The following PUS7 variants were observed in gnomAD, a reference collection of about 807,000 sequenced individuals.
The protein encoded by PUS7 is pseudouridine synthase 7.
Under a neutral mutation model 79.8 loss-of-function variants are expected in PUS7, and 48 were observed. The ratio of observed to expected loss-of-function variants is 0.60; its 90% CI spans 0.48 to 0.76. The LOEUF is 0.76. Ranked by LOEUF, PUS7 falls within the 30% of genes least tolerant of loss-of-function variation. The probability of loss-of-function intolerance (pLI) is 0.00; values close to 1 mark genes in which losing one functional copy is unlikely to be tolerated. For synonymous variants in PUS7, 286 were observed against 272.2 expected (o/e 1.05, Z -0.50); for missense variants, 729 against 797.6 (o/e 0.91, Z 1.04).
chr7:105,495,316 T>G, intron 5 of PUS7, 63 bp from the exon 6 acceptor site: 1 of 930,254 alleles, frequency 1.1e-6, no homozygotes, highest in South Asian at 1.4e-5. Flanking sequence ...TAAGAGCTCA[T>G]TTTTCGCTAT....
intron 1 of PUS7, among the ~76,000 whole-genome samples, chr7:105,509,977 GATGTAT>G (rs932633148): frequency 6.6e-5 from 10 of 152,234 alleles, no homozygotes; most frequent in African/African-American, 2.4e-4. Context: ...AAGCTTGTTT[GATGTAT>G]ATGTATTATC....
chr7:105,492,505 T>A (rs796743318), intron 6 of PUS7, among the ~76,000 whole-genome samples: 6 of 124,804 alleles, frequency 4.8e-5, no homozygotes, highest in African/African-American at 1.7e-4. Flanking sequence ...TTTGTATTTT[T>A]TTTTTTTTTT....
chr7:105,463,343 G>A (rs1295669676), intron 13 of PUS7, among the ~76,000 whole-genome samples: 3 of 152,126 alleles, frequency 2.0e-5, no homozygotes, highest in Non-Finnish European at 4.4e-5. Context: ...TTCTGTTGAC[G>A]CTTTGGAACA....
rs1823901444 is a variant in PUS7 at position 105,472,171 on chromosome 7, T to C, written c.1198A>G (p.Thr400Ala). ...TTCAATATTAAATCCATGACTTCTGTCCAGGAATTTTGTAGTATAGCTCTA... is the reference window on the plus strand; with the variant it reads ...TTCAATATTAAATCCATGACTTCTGCCCAGGAATTTTGTAGTATAGCTCTA... ...VGRAILQNSW[T>A]EVMDLILKPR... Residue 400 changes from threonine to alanine, a missense_variant, in exon 10 of 16, where the codon ACA becomes GCA. Coordinates refer to ENST00000469408, the MANE Select transcript of PUS7 (RefSeq NM_019042.5). 6.3e-7 allele frequency: 1 copy of C among 1,599,840 alleles called. No individual in the cohort carries two copies. The highest frequency in any genetic ancestry group is 1.1e-5 in the South Asian group (1 of 90,114).
At chr7:105,492,332 C>T (rs1248725709) in intron 6 of PUS7, among the ~76,000 whole-genome samples, 2 of 147,086 alleles carry the variant, frequency 1.4e-5, no homozygotes, top group South Asian at 2.2e-4. Flanking sequence ...TAATTCTTCG[C>T]TTTTTTTTTT....
At chr7:105,520,705 G>A (rs1329368339) in intron 1 of PUS7, among the ~76,000 whole-genome samples, 1 of 151,476 alleles carries the variant, frequency 6.6e-6, no homozygotes, top group Non-Finnish European at 1.5e-5. Flanking sequence ...CTGGGTGATG[G>A]AGTGAGACTC....
intron 5 of PUS7, among the ~76,000 whole-genome samples, chr7:105,499,707 C>T (rs189433666): frequency 6.6e-6 from 1 of 152,170 alleles, no homozygotes; most frequent in East Asian, 1.9e-4. Context: ...TTTTAGGATG[C>T]ACAGTTCTAT....
Position 105,470,845 on chromosome 7 carries a change from T to A in PUS7, c.1241A>T (p.Glu414Val), listed in dbSNP as rs1048844336. Residue 414 changes from glutamate (E) to valine (V), a missense_variant, in exon 11 of 16, where the codon GAA (glutamate) becomes GTA (valine). Transcript: ENST00000469408. The part of the protein sequence containing the change: ...DLILKPRSGA[E>V]KGYLVKCREE... ...TCTGCATTTAACCAAGTAGCCCTTT[T>A]CAGCTGCGGGGGGAAAAAGCTAGGG... 1.9e-6 allele frequency: 3 copies of A among 1,583,632 alleles called. No homozygotes were observed. Among genetic ancestry groups the A allele is most frequent in the African/African-American group, 2.7e-5 (2 of 74,082 alleles).
At chr7:105,459,787 C>A (rs1191589634) in intron 14 of PUS7, among the ~76,000 whole-genome samples, 1 of 152,030 alleles carries the variant, frequency 6.6e-6, no homozygotes, top group African/African-American at 2.4e-5. Context: ...AAATGCACAA[C>A]TGGGGCCAGG....
At chr7:105,461,783 A>G (rs1823438391) in intron 14 of PUS7, among the ~76,000 whole-genome samples, 1 of 152,246 alleles carries the variant, frequency 6.6e-6, no homozygotes, top group Non-Finnish European at 1.5e-5. Context: ...TACAGACTAT[A>G]GCCTATTGCT....
chr7:105,475,293 C>A (rs1451943266), intron 9 of PUS7, among the ~76,000 whole-genome samples: 2 of 152,152 alleles, frequency 1.3e-5, no homozygotes, highest in Non-Finnish European at 2.9e-5. Flanking sequence ...TCACGCCATT[C>A]TTCTGCCTCA....
At chr7:105,520,188 G>A (rs1455682686) in intron 1 of PUS7, among the ~76,000 whole-genome samples, 1 of 152,186 alleles carries the variant, frequency 6.6e-6, no homozygotes, top group Non-Finnish European at 1.5e-5. Flanking sequence ...GGCGGGGCGC[G>A]GTGGCTCACG....
intron 7 of PUS7, among the ~76,000 whole-genome samples, chr7:105,485,826 G>T (rs889194591): frequency 6.6e-6 from 1 of 152,034 alleles, no homozygotes; most frequent in Non-Finnish European, 1.5e-5. Context: ...TTGAGACAGA[G>T]TCTCTGTCGC....
intron 9 of PUS7, among the ~76,000 whole-genome samples, chr7:105,475,262 T>G (rs917414924): frequency 2.0e-5 from 3 of 152,154 alleles, no homozygotes; most frequent in Non-Finnish European, 4.4e-5. Flanking sequence ...CTCGGCTCAC[T>G]GCAAGCTCCG....
chr7:105,482,362 G>A lies in PUS7; in HGVS notation c.999C>T (p.Asn333=), dbSNP rs1824356402. Reference sequence around the variant, plus strand: ...CTTGAAGCTCTCCCAATTTCAGTGGGTTTTTTTGATAGCTGAAATTCCCTA... The same window carrying A: ...CTTGAAGCTCTCCCAATTTCAGTGGATTTTTTTGATAGCTGAAATTCCCTA... The part of the protein sequence containing the change: ...FKLGNFSYQK[N]PLKLGELQGN... Residue 333 remains asparagine, a synonymous_variant, in exon 8 of 16, where the codon AAC becomes AAT. Coordinates refer to ENST00000469408, the MANE Select transcript of PUS7 (RefSeq NM_019042.5). 1 of 1,612,026 alleles carries A rather than the reference G, an allele frequency of 6.2e-7. No homozygotes were observed. The highest frequency in any genetic ancestry group is 8.5e-7 in the Non-Finnish European group (1 of 1,178,846).
intron 8 of PUS7, among the ~76,000 whole-genome samples, chr7:105,481,612 C>T (rs143402462): frequency 3.0e-4 from 45 of 152,244 alleles, no homozygotes; most frequent in Middle Eastern, 6.8e-3. Flanking sequence ...AAACTCTGTA[C>T]CCCTAAACAG....
intron 4 of PUS7, among the ~76,000 whole-genome samples, chr7:105,504,438 A>T (rs1216549964): frequency 6.6e-6 from 1 of 152,198 alleles, no homozygotes; most frequent in Non-Finnish European, 1.5e-5. Context: ...ATTACAGGTA[A>T]ATGACTTCTT....
At position 105,501,722 on chromosome 7, in the gene PUS7, G is replaced by A. The variant is rs374374564; in HGVS notation, c.730+698C>T. On this transcript the variant is annotated intron_variant, in intron 5 of 15. Coordinates refer to ENST00000469408, the MANE Select transcript of PUS7 (RefSeq NM_019042.5). ...TGTAATCCTAGCACTTTGGGAGGCC[G>A]AGACGGGTGGATCACGAGGTCAGGA... 1.6e-4 allele frequency among the ~76,000 whole-genome samples: 24 copies of A among 152,032 alleles called. No individual in the cohort carries two copies. The East Asian group carries it at 3.1e-3, about 20-fold the overall frequency.
At chr7:105,470,296 C>T (rs1187673937) in intron 11 of PUS7, 1 of 157,556 alleles carries the variant, frequency 6.3e-6, no homozygotes, top group African/African-American at 2.4e-5. Flanking sequence ...ATGATGAAAC[C>T]AGACTAAAAT....
Sources: gnomAD v4.1 joint callset for allele counts (sites outside exome capture counted in the v4.1 genomes callset) on GRCh38, gnomAD v4.1.1 for gene constraint, MANE v1.5 for transcripts, NCBI Gene and HGNC (gene_info 2026-07-23, HGNC 2026-07-21) for gene names.